TTN: variants seen among roughly 807,000 people sequenced by gnomAD.
TTN encodes the protein connectin.
TTN carries 1,525 observed loss-of-function variants against 3,223.0 expected under a neutral mutation model. The observed-to-expected ratio is 0.47, with a 90% CI of 0.45 to 0.49. TTN has a LOEUF of 0.49. Ranked by LOEUF, TTN falls within the 20% of genes least tolerant of loss-of-function variation. TTN has a pLI of 0.00. For missense variants in TTN, 40,786 were observed against 43,424.0 expected (o/e 0.94, Z 5.40); for synonymous variants, 14,094 against 15,161.0 (o/e 0.93, Z 5.17).
intron 11 of TTN, 121 bp downstream of exon 11, chr2:178,790,587 A>G: frequency 6.6e-7 from 1 of 1,507,414 alleles, no homozygotes; most frequent in Non-Finnish European, 9.1e-7. Flanking sequence ...GAAATTTTCT[A>G]TTTGCATTAT....
Position 178,692,518 on chromosome 2 carries a change from CT to C in TTN, c.31656del (p.Val10553TrpfsTer72). 6.3e-7 allele frequency: 1 copy of C among 1,586,182 alleles called. No homozygotes were observed. The highest frequency in any genetic ancestry group is 1.8e-5 in the Admixed American group (1 of 56,014). On this transcript the variant is annotated frameshift_variant, in exon 120 of 363. Coordinates refer to ENST00000589042, the MANE Select transcript of TTN (RefSeq NM_001267550.2). LOFTEE classifies it high-confidence loss of function. ...EEVAPVPIPK[K>X]VEPPAPKVPE... ...CTACCTTTTGGTGCTGGGGGCTCCA[CT>C]TTTTTAGGGATAGGAACAGGGGCCA...
In TTN at chr2:178,561,029, A is replaced by G; in HGVS notation, c.85103T>C (p.Val28368Ala). 6.2e-7 allele frequency: 1 copy of G among 1,613,860 alleles called. No homozygotes were observed. The highest frequency in any genetic ancestry group is 8.5e-7 in the Non-Finnish European group (1 of 1,179,786). The change falls in exon 326 of 363, where the codon GTT becomes GCT. Residue 28368 changes from valine (V) to alanine (A), a missense_variant. Transcript: ENST00000589042. The stretch of plus-strand genomic sequence containing the variant: ...CTTAAGGACCTCTCCAGCTTTGACA[A>G]CAATAACGTCTCGGAACTTGACATC... ...MMDVKFRDVI[V>A]VKAGEVLKIN... is the part of the protein sequence containing the mutation.
chr2:178,543,021 T>C (rs371030788), intron 347 of TTN, 48 bp downstream of exon 347: 10 of 1,535,538 alleles, frequency 6.5e-6, no homozygotes, highest in Non-Finnish European at 8.7e-6. Flanking sequence ...TTCTGAATGT[T>C]TTCATTTTAC....
chr2:178,768,496 A>C (rs967273232), intron 38 of TTN, among the ~76,000 whole-genome samples, 177 bp downstream of exon 38: 3 of 152,184 alleles, frequency 2.0e-5, no homozygotes, highest in African/African-American at 7.2e-5. Context: ...ACTTAGCATA[A>C]AGTTTTAAAG....
At chr2:178,672,741 T>C in intron 152 of TTN, 38 bp from the exon 153 acceptor site, 1 of 1,512,404 alleles carries the variant, frequency 6.6e-7, no homozygotes, top group Non-Finnish European at 9.0e-7. Flanking sequence ...GCTGAGAATG[T>C]TCAATAACAC....
chr2:178,528,727 A>G lies in TTN; in HGVS notation c.107024T>C (p.Leu35675Pro). 6.2e-7 allele frequency: 1 copy of G among 1,613,474 alleles called. No homozygotes were observed. Among genetic ancestry groups the G allele is most frequent in the African/African-American group, 1.3e-5 (1 of 75,004 alleles). ...KQASHRDEGI[L>P]TCISKTKEGI... ...TTCCTTGGTTTTGCTTATGCAGGTG[A>G]GGATTCCTTCATCTCTGTGACTGGC... Residue 35675 changes from leucine (L) to proline (P), a missense_variant, in exon 360 of 363, where the codon CTC becomes CCC. Leu to Pro is a moderately conservative substitution (Grantham distance 98). Transcript: ENST00000589042.
rs1391363156 is a variant in TTN at position 178,767,677 on chromosome 2, G to A, written c.9471+82C>T. On this transcript the variant is annotated intron_variant, in intron 40 of 362. Transcript: ENST00000589042. ...CTTTAAAGGATGGTGGTTAGAAAATGTAAAAGGGAAACATTAAAATATAAA... is the reference window on the plus strand; with the variant it reads ...CTTTAAAGGATGGTGGTTAGAAAATATAAAAGGGAAACATTAAAATATAAA... 9 of 1,575,076 alleles carry A rather than the reference G, an allele frequency of 5.7e-6. 1 individual carries two copies. In the African/African-American group the frequency reaches 6.7e-5, roughly 12 times the overall value.
At chr2:178,737,626 C>T (rs957345196) in intron 49 of TTN, among the ~76,000 whole-genome samples, 2 of 152,050 alleles carry the variant, frequency 1.3e-5, no homozygotes, top group Non-Finnish European at 2.9e-5. Context: ...AGTAAAAATG[C>T]CTAGAGAGAA....
Position 178,728,797 on chromosome 2 carries a change from T to C in TTN, c.19148-19A>G, listed in dbSNP as rs760577918. ...GCTGGTTCTGTAGTAAAAATGAAAA[T>C]GTGGATGAGTTACATTGGTAACTCC... On this transcript the variant is annotated intron_variant, in intron 65 of 362. Coordinates refer to ENST00000589042, the MANE Select transcript of TTN (RefSeq NM_001267550.2). 34 of 1,587,572 alleles carry C rather than the reference T, an allele frequency of 2.1e-5. No individual in the cohort carries two copies. In the East Asian group the frequency reaches 4.3e-4, roughly 20 times the overall value.
rs781207650 is a variant in TTN, at chr2:178,584,237, C to T, written c.65275+39G>A. ...GAGATTTAAATGTGCCTCCATAATA[C>T]TAAAACAACAACAACAATAAAAAAA... On this transcript the variant is annotated intron_variant, in intron 311 of 362. Transcript: ENST00000589042. The T allele has an allele frequency of 2.7e-6, 4 of 1,507,028 alleles. No homozygotes were observed. The Admixed American group carries it at 8.9e-5, about 33-fold the overall frequency. The allele number at this position is 1,507,028 out of a possible 1,614,324, so 93.4% of individuals were successfully genotyped here.
At position 178,568,106 on chromosome 2, in the gene TTN, A is replaced by G. The variant is rs1328584440; in HGVS notation, c.78026T>C (p.Ile26009Thr). 3.7e-6 allele frequency: 6 copies of G among 1,613,456 alleles called. No individual in the cohort carries two copies. The highest frequency in any genetic ancestry group is 5.1e-6 in the Non-Finnish European group (6 of 1,179,602). ...ATAISKDSMV[I>T]QWHEPVNNGG... ...ATTGTTGACTGGTTCATGCCACTGT[A>G]TGACCATGGAGTCTTTGGAAATGGC... The change falls in exon 326 of 363, where the codon ATA (isoleucine) becomes ACA (threonine). Residue 26009 changes from isoleucine (I) to threonine (T), a missense_variant. Physicochemically the swap from Ile to Thr is moderately conservative, Grantham distance 89. Transcript: ENST00000589042.
rs2154271882 is a variant in TTN, at chr2:178,682,822, T to C, written c.32969A>G (p.Glu10990Gly). The C allele has an allele frequency of 6.2e-7, 1 of 1,612,944 alleles. No homozygotes were observed. The highest frequency in any genetic ancestry group is 8.5e-7 in the Non-Finnish European group (1 of 1,179,286). Residue 10990 changes from glutamate to glycine, a missense_variant, in exon 135 of 363, where the codon GAG becomes GGG. Physicochemically the swap from Glu to Gly is moderately conservative, Grantham distance 98 (BLOSUM62 -2). Transcript: ENST00000589042. ...TTTATAATCATATTCTTCATATTCC[T>C]CATATTCTTCTTCCCGTTGTACTGA... ...AVSVQREEEY[E>G]EYEEYDYKEF...
In TTN at chr2:178,608,928, C is replaced by T. The variant is rs759537326; in HGVS notation, c.52103-20G>A. On this transcript the variant is annotated intron_variant, in intron 273 of 362. Coordinates refer to ENST00000589042, the MANE Select transcript of TTN (RefSeq NM_001267550.2). The stretch of plus-strand genomic sequence containing the variant: ...GTGTATCTAATATTTCAGAAGAGAA[C>T]AGTAATCAAAAATTTGTGTGGGAAG... 3.1e-6 allele frequency: 5 copies of T among 1,593,506 alleles called. No individual in the cohort carries two copies. The highest frequency in any genetic ancestry group is 4.3e-6 in the Non-Finnish European group (5 of 1,175,258).
At chr2:178,626,748 G>GT (rs1375323101) in intron 240 of TTN, among the ~76,000 whole-genome samples, 1 of 151,718 alleles carries the variant, frequency 6.6e-6, no homozygotes, top group Non-Finnish European at 1.5e-5. Flanking sequence ...GGAAAAATTT[G>GT]TTTTTTTAAT....
At chr2:178,603,674 GTATGTGTGTATGTATA>G (rs1298655304) in intron 282 of TTN, among the ~76,000 whole-genome samples, 186 bp downstream of exon 282, 12 of 151,870 alleles carry the variant, frequency 7.9e-5, no homozygotes, top group Non-Finnish European at 1.5e-4. Flanking sequence ...ATGATTTTAT[GTATGTGTGTATGTATA>G]TATCTGTGCA....
intron 152 of TTN, among the ~76,000 whole-genome samples, chr2:178,673,075 A>G (rs1490982948): frequency 2.6e-5 from 4 of 151,790 alleles, no homozygotes; most frequent in African/African-American, 7.2e-5. Flanking sequence ...CTCTTCTATT[A>G]GCTGAGGAGT....
chr2:178,804,797 TCTTTTGTGG>T, intron 1 of TTN, 142 bp from the exon 2 acceptor site: 1 of 739,916 alleles, frequency 1.4e-6, no homozygotes, highest in Middle Eastern at 3.8e-4. Flanking sequence ...GCAGGTCTTC[TCTTTTGTGG>T]CTTGAACAGT....
intron 161 of TTN, 32 bp from the exon 162 acceptor site, chr2:178,667,351 A>G (rs1437665893): frequency 1.9e-5 from 30 of 1,575,888 alleles, no homozygotes; most frequent in Non-Finnish European, 2.6e-5. Context: ...TACATTTAAA[A>G]GTTGTAAAAA....
At chr2:178,670,482 G>C (rs912308972) in intron 156 of TTN, among the ~76,000 whole-genome samples, 187 bp from the exon 157 acceptor site, 1 of 151,674 alleles carries the variant, frequency 6.6e-6, no homozygotes, top group Non-Finnish European at 1.5e-5. Flanking sequence ...AAAAATCCAG[G>C]GAAATTTCCC....
Sources: allele counts gnomAD v4.1 joint callset (sites outside exome capture counted in the v4.1 genomes callset), GRCh38; gene constraint gnomAD v4.1.1; transcripts MANE v1.5; gene names NCBI Gene and HGNC (gene_info 2026-07-23, HGNC 2026-07-21).